Variants in CAST observed in about 807,000 individuals in gnomAD.
The protein encoded by CAST is calpastatin, also known as MIR583 host.
CAST carries 76 observed loss-of-function variants against 119.6 expected under a neutral mutation model. That is an observed-to-expected ratio of 0.64 (90% CI 0.53 to 0.77). The LOEUF (loss-of-function observed/expected upper bound fraction) is 0.77. Among genes scored for constraint, CAST ranks in the 30% least tolerant of loss-of-function variants. CAST has a pLI of 0.00. For missense variants in CAST, 953 were observed against 946.5 expected (o/e 1.01, Z -0.09); for synonymous variants, 319 against 331.6 (o/e 0.96, Z 0.41).
intron 1 of CAST, among the ~76,000 whole-genome samples, chr5:96,622,302 C>A (rs1002230131): frequency 5.9e-5 from 9 of 152,128 alleles, no homozygotes; most frequent in Non-Finnish European, 8.8e-5. Flanking sequence ...TTTCCCAAAG[C>A]CCATGAAACA....
At chr5:96,049,905 A>G in the CAST span, among the ~76,000 whole-genome samples, 3 of 149,118 alleles carry the variant, frequency 2.0e-5, no homozygotes, top group African/African-American at 2.5e-5. Flanking sequence ...AAAAAAAAAA[A>G]AAAAAAAAAA....
chr5:96,427,452 A>G, the CAST span, among the ~76,000 whole-genome samples: 3 of 152,346 alleles, frequency 2.0e-5, no homozygotes, highest in East Asian at 3.9e-4. Context: ...AGATCATCTA[A>G]TTCAACCTTC....
the CAST span, among the ~76,000 whole-genome samples, chr5:96,474,286 C>T: frequency 3.9e-5 from 6 of 152,068 alleles, no homozygotes; most frequent in African/African-American, 9.7e-5. Context: ...GCACTGACCC[C>T]GCTTGCACCA....
At chr5:96,273,590 T>G in the CAST span, among the ~76,000 whole-genome samples, 1 of 152,232 alleles carries the variant, frequency 6.6e-6, no homozygotes, top group South Asian at 2.1e-4. Flanking sequence ...GGTTATATAT[T>G]GCTGACTGAA....
chr5:96,064,235 G>A, the CAST span, among the ~76,000 whole-genome samples: 1 of 152,218 alleles, frequency 6.6e-6, no homozygotes, highest in Admixed American at 6.5e-5. Flanking sequence ...TATTGACCAG[G>A]TGATAGTTAA....
the CAST span, among the ~76,000 whole-genome samples, chr5:96,058,292 G>C: frequency 2.6e-5 from 4 of 152,224 alleles, no homozygotes; most frequent in African/African-American, 7.2e-5. Context: ...CTGAGGCAGG[G>C]GAATAAAGGC....
the CAST span, among the ~76,000 whole-genome samples, chr5:96,128,766 C>A: frequency 1.3e-5 from 2 of 152,002 alleles, no homozygotes; most frequent in African/African-American, 4.8e-5. Context: ...CTTGCAGAAC[C>A]CCAGTTCAGA....
chr5:96,650,796 T>G (rs1399024284), intron 1 of CAST, among the ~76,000 whole-genome samples: 82 of 149,746 alleles, frequency 5.5e-4, no homozygotes, highest in Non-Finnish European at 2.2e-4. Context: ...GGAGCATAGG[T>G]GGGAGAAAGG....
intron 1 of CAST, among the ~76,000 whole-genome samples, chr5:96,538,097 C>T (rs1745850625): frequency 1.3e-5 from 2 of 152,146 alleles, no homozygotes; most frequent in South Asian, 2.1e-4. Flanking sequence ...AAGGCAAAGA[C>T]TGGTTAAACA....
At chr5:96,440,572 G>A in the CAST span, among the ~76,000 whole-genome samples, 1 of 152,082 alleles carries the variant, frequency 6.6e-6, no homozygotes, top group African/African-American at 2.4e-5. Flanking sequence ...CTTGTGGGTG[G>A]GGGAGGTGGG....
the CAST span, among the ~76,000 whole-genome samples, chr5:96,076,775 C>A: frequency 6.6e-6 from 1 of 152,160 alleles, no homozygotes; most frequent in Non-Finnish European, 1.5e-5. Context: ...TGAAGTTGTT[C>A]ATTTTTTTCT....
At chr5:96,414,137 TAA>T in the CAST span, among the ~76,000 whole-genome samples, 21 of 124,678 alleles carry the variant, frequency 1.7e-4, no homozygotes, top group Non-Finnish European at 1.0e-4. Flanking sequence ...AGACTCTGTC[TAA>T]AAAAAAAAAA....
intron 1 of CAST, among the ~76,000 whole-genome samples, chr5:96,617,534 A>C (rs1747486374): frequency 6.6e-6 from 1 of 152,106 alleles, no homozygotes; most frequent in Non-Finnish European, 1.5e-5. Context: ...TCATGCCTGT[A>C]ATCCCGGCAC....
chr5:96,629,595 C>T lies in CAST; in HGVS notation c.61-45944C>T, dbSNP rs114479720. 3.4e-3 allele frequency among the ~76,000 whole-genome samples: 520 copies of T among 152,348 alleles called. 3 individuals are homozygous for T. The highest frequency in any genetic ancestry group is 0.012 in the African/African-American group (491 of 41,588). On this transcript the variant is annotated intron_variant, in intron 1 of 11. Coordinates refer to the CAST transcript ENST00000505143. ...GCACTTTGCCTCAGTTTCTTTCAGA[C>T]AGTGAACATAGTGCTAAACAGGAGG...
chr5:96,143,131 C>T, the CAST span, among the ~76,000 whole-genome samples: 3 of 152,126 alleles, frequency 2.0e-5, no homozygotes, highest in Non-Finnish European at 2.9e-5. Flanking sequence ...CTGTAAAAGA[C>T]AATTCAATGA....
chr5:96,319,743 A>G, the CAST span, among the ~76,000 whole-genome samples: 1 of 152,074 alleles, frequency 6.6e-6, no homozygotes, highest in South Asian at 2.1e-4. Flanking sequence ...GGTGATAGAA[A>G]ACGGAATCAC....
At chr5:96,005,299 G>C in the CAST span, among the ~76,000 whole-genome samples, 5 of 152,104 alleles carry the variant, frequency 3.3e-5, no homozygotes, top group African/African-American at 1.2e-4. Context: ...GAGCCTACCA[G>C]TTACAGACTG....
At chr5:96,137,398 T>C in the CAST span, among the ~76,000 whole-genome samples, 1 of 152,154 alleles carries the variant, frequency 6.6e-6, no homozygotes, top group East Asian at 1.9e-4. Context: ...GCAGTTTGCT[T>C]ATCCATTCAT....
At chr5:96,226,150 T>G in the CAST span, among the ~76,000 whole-genome samples, 88 of 152,326 alleles carry the variant, frequency 5.8e-4, no homozygotes, top group Non-Finnish European at 1.0e-3. Flanking sequence ...AGGTCTTAAC[T>G]GCCCATTGGT....
Sources: allele counts gnomAD v4.1 joint callset (sites outside exome capture counted in the v4.1 genomes callset), GRCh38; gene constraint gnomAD v4.1.1; transcripts MANE v1.5; gene names NCBI Gene and HGNC (gene_info 2026-07-23, HGNC 2026-07-21).